ZFAND6: variants seen among roughly 807,000 people sequenced by gnomAD.
ZFAND6 encodes zinc finger AN1-type containing 6.
In ZFAND6, 12 loss-of-function variants were observed where a neutral mutation model predicts 24.5. The ratio of observed to expected loss-of-function variants is 0.49; its 90% CI spans 0.31 to 0.79. The LOEUF is 0.79. Among genes scored for constraint, ZFAND6 ranks in the 30% least tolerant of loss-of-function variants. The pLI is 0.04. For synonymous variants in ZFAND6, 92 were observed against 81.5 expected (o/e 1.13, Z -0.69); for missense variants, 207 against 245.9 (o/e 0.84, Z 1.06).
chr15:80,086,699 A>G (rs1237039520), intron 1 of ZFAND6, among the ~76,000 whole-genome samples: 1 of 152,254 alleles, frequency 6.6e-6, no homozygotes, highest in Non-Finnish European at 1.5e-5. Flanking sequence ...AACTGTTTTT[A>G]AATAGACCAT....
intron 2 of ZFAND6, among the ~76,000 whole-genome samples, chr15:80,108,077 A>G (rs1430276596): frequency 6.6e-6 from 1 of 152,186 alleles, no homozygotes; most frequent in African/African-American, 2.4e-5. Flanking sequence ...ACTTAATAGG[A>G]CTATTATGAG....
intron 1 of ZFAND6, among the ~76,000 whole-genome samples, chr15:80,079,196 G>C (rs2037482460): frequency 6.6e-6 from 1 of 152,058 alleles, no homozygotes; most frequent in African/African-American, 2.4e-5. Context: ...CTCCTATTCT[G>C]TAGATTATCT....
intron 2 of ZFAND6, among the ~76,000 whole-genome samples, chr15:80,106,556 C>A (rs10851925): frequency 0.52 from 78,779 of 150,884 alleles, 22,445 homozygotes; most frequent in Non-Finnish European, 0.65. Context: ...TCTGAAAAAA[C>A]CAAATAATTT....
intron 1 of ZFAND6, among the ~76,000 whole-genome samples, chr15:80,095,353 T>C (rs947902702): frequency 6.6e-6 from 1 of 152,228 alleles, no homozygotes; most frequent in Non-Finnish European, 1.5e-5. Flanking sequence ...GAGGCACATG[T>C]CCACTTGTTT....
At chr15:80,110,527 C>T (rs1016967296) in intron 2 of ZFAND6, among the ~76,000 whole-genome samples, 1 of 151,724 alleles carries the variant, frequency 6.6e-6, no homozygotes, top group Admixed American at 6.6e-5. Context: ...AATTGACAAA[C>T]TGAATCTAAA....
chr15:80,089,735 T>G (rs1395814280), intron 1 of ZFAND6, among the ~76,000 whole-genome samples: 1 of 152,156 alleles, frequency 6.6e-6, no homozygotes, highest in Non-Finnish European at 1.5e-5. Flanking sequence ...TTCCACCCAG[T>G]CCGTTTTAGC....
intron 1 of ZFAND6, among the ~76,000 whole-genome samples, chr15:80,078,066 CTTTTA>C (rs2037400324): frequency 6.6e-6 from 1 of 152,146 alleles, no homozygotes; most frequent in South Asian, 2.1e-4. Flanking sequence ...ATTTTTTCAA[CTTTTA>C]TTTTAGGTTC....
At chr15:80,100,050 C>A (rs575379487) in intron 2 of ZFAND6, among the ~76,000 whole-genome samples, 144 of 152,278 alleles carry the variant, frequency 9.5e-4, no homozygotes, top group African/African-American at 3.3e-3. Flanking sequence ...CTATATTGGT[C>A]AGTAGATACA....
At chr15:80,120,587 ATTATAT>A (rs1399534314) in intron 3 of ZFAND6, 89 bp downstream of exon 3, 40 of 1,117,032 alleles carry the variant, frequency 3.6e-5, no homozygotes, top group African/African-American at 1.3e-4. Flanking sequence ...CTGCTCTCAC[ATTATAT>A]TTATATTACC....
chr15:80,104,488 C>T (rs1179563960), intron 2 of ZFAND6, among the ~76,000 whole-genome samples: 1 of 152,108 alleles, frequency 6.6e-6, no homozygotes, highest in Non-Finnish European at 1.5e-5. Context: ...CACTGCACTC[C>T]AGCCTGGGCG....
At chr15:80,104,474 G>A (rs1596271821) in intron 2 of ZFAND6, among the ~76,000 whole-genome samples, 1 of 152,096 alleles carries the variant, frequency 6.6e-6, no homozygotes, top group South Asian at 2.1e-4. Context: ...AGCCGAGATC[G>A]CACCACTGCA....
intron 1 of ZFAND6, among the ~76,000 whole-genome samples, chr15:80,067,016 A>G (rs984414806): frequency 1.3e-5 from 2 of 152,218 alleles, no homozygotes; most frequent in Non-Finnish European, 2.9e-5. Context: ...TGAGTTCTAA[A>G]ATCAAGAAGT....
At chr15:80,097,494 A>G (rs906909585) in intron 1 of ZFAND6, among the ~76,000 whole-genome samples, 5 of 152,042 alleles carry the variant, frequency 3.3e-5, no homozygotes, top group Admixed American at 1.3e-4. Context: ...CAAAAAATAC[A>G]AAAATTAGCC....
chr15:80,082,405 G>A, intron 1 of ZFAND6, among the ~76,000 whole-genome samples: 1 of 152,152 alleles, frequency 6.6e-6, no homozygotes, highest in African/African-American at 2.4e-5. Context: ...AGACAGATAG[G>A]ACAAATTGAC....
intron 1 of ZFAND6, among the ~76,000 whole-genome samples, chr15:80,096,503 G>A (rs16971725): frequency 0.085 from 12,915 of 152,114 alleles, 622 homozygotes; most frequent in East Asian, 0.19. Context: ...CATATAAGTC[G>A]ATTATAGAGA....
chr15:80,130,652 C>A (rs1209793804), intron 5 of ZFAND6: 2 of 152,304 alleles, frequency 1.3e-5, no homozygotes, highest in Admixed American at 1.3e-4. Flanking sequence ...TTTAAAGCTT[C>A]TTTGCTTCAA....
At chr15:80,088,521 G>C (rs1411105742) in intron 1 of ZFAND6, among the ~76,000 whole-genome samples, 2 of 152,202 alleles carry the variant, frequency 1.3e-5, no homozygotes, top group Admixed American at 6.5e-5. Context: ...AGCCGAGATT[G>C]TGCCACTGCA....
At chr15:80,124,074 A>T (rs1025409061) in intron 5 of ZFAND6, among the ~76,000 whole-genome samples, 2 of 152,218 alleles carry the variant, frequency 1.3e-5, no homozygotes, top group Non-Finnish European at 2.9e-5. Context: ...GTTTTAAGTG[A>T]ATAATTCTTA....
intron 1 of ZFAND6, among the ~76,000 whole-genome samples, chr15:80,065,955 T>A (rs772291034): frequency 1.3e-5 from 2 of 152,238 alleles, no homozygotes; most frequent in Non-Finnish European, 2.9e-5. Flanking sequence ...TTTAGCTATA[T>A]TACTTAAATT....
Sources: allele counts gnomAD v4.1 joint callset (sites outside exome capture counted in the v4.1 genomes callset), GRCh38; gene constraint gnomAD v4.1.1; transcripts MANE v1.5; gene names NCBI Gene and HGNC (gene_info 2026-07-23, HGNC 2026-07-21).